Variants in FLT4 observed in about 807,000 individuals in gnomAD.
FLT4 encodes the protein fms related receptor tyrosine kinase 4.
Under a neutral mutation model 163.2 loss-of-function variants are expected in FLT4, and 30 were observed. The ratio of observed to expected loss-of-function variants is 0.18; its 90% CI spans 0.14 to 0.25. FLT4 has a LOEUF of 0.25. Ranked by LOEUF, FLT4 falls within the 10% of genes least tolerant of loss-of-function variation. The probability of loss-of-function intolerance (pLI) is 1.00; values close to 1 mark genes in which losing one functional copy is unlikely to be tolerated. For missense variants in FLT4, 1,510 were observed against 1,863.8 expected (o/e 0.81, Z 3.50); for synonymous variants, 884 against 789.5 (o/e 1.12, Z -2.01).
intron 10 of FLT4, 67 bp from the exon 11 acceptor site, chr5:180,624,128 G>C: frequency 6.3e-7 from 1 of 1,587,072 alleles, no homozygotes; most frequent in Non-Finnish European, 8.6e-7. Flanking sequence ...ATGGGGGGCG[G>C]GGTCAAGCCC....
Position 180,630,642 on chromosome 5 carries a change from C to G in FLT4, c.313G>C (p.Asp105His), listed in dbSNP as rs150416750. 1 of 1,613,074 alleles carries G rather than the reference C, an allele frequency of 6.2e-7. No homozygotes were observed. Residue 105 changes from aspartate (D) to histidine (H), a missense_variant, in exon 3 of 30, where the codon GAC becomes CAC. Around this residue, in one of 5 missense-constraint regions of FLT4, gnomAD observed 157 missense variants for 178.7 expected, o/e 0.88. Coordinates refer to ENST00000261937, the MANE Select transcript of FLT4 (RefSeq NM_182925.5). This position sits in a 1 kb window ranked among gnomAD's most constrained non-coding sequence, Gnocchi z 6.3. Reference protein sequence around the residue: ...VLLLHEVHANDTGSYVCYYKY... With the variant: ...VLLLHEVHANHTGSYVCYYKY... ...TAGTAGCAGACGTAGCTGCCTGTGT[C>G]GTTGGCATGTACCTCGTGCAGCAGC...
Position 180,620,587 on chromosome 5 carries a change from A to C in FLT4, c.2406+22T>G. 6.4e-7 allele frequency: 1 copy of C among 1,550,614 alleles called. No homozygotes were observed. The highest frequency in any genetic ancestry group is 2.2e-5 in the East Asian group (1 of 44,536). ...GGGAAGGCCTGAGAGAGACTCCATC[A>C]GGAGCGGGGAGGGACACTCACCCTC... On this transcript the variant is annotated intron_variant, in intron 16 of 29. Transcript: ENST00000261937. The surrounding 1 kb of genome is among the most constrained non-coding windows in gnomAD (Gnocchi z 4.4).
intron 1 of FLT4, among the ~76,000 whole-genome samples, chr5:180,633,818 A>G (rs1764353418): frequency 6.6e-6 from 1 of 152,138 alleles, no homozygotes; most frequent in Non-Finnish European, 1.5e-5. Flanking sequence ...CTACCTTCCC[A>G]GTGGACCTAG....
chr5:180,620,022 G>A lies in FLT4; in HGVS notation c.2542+151C>T, dbSNP rs1763001867. 2 of 995,112 alleles carry A rather than the reference G, an allele frequency of 2.0e-6. No individual in the cohort carries two copies. Among genetic ancestry groups the A allele is most frequent in the Admixed American group, 2.3e-5 (1 of 43,388 alleles). 61.6% of individuals were successfully genotyped at this position (995,112 alleles called of 1,614,324 possible). ...AGCCTGGGAACTGGGGACCCTGGCT[G>A]AGGTTCTAGGTACCCACGCCCACAG... On this transcript the variant is annotated intron_variant, in intron 17 of 29. Coordinates refer to ENST00000261937, the MANE Select transcript of FLT4 (RefSeq NM_182925.5). The surrounding 1 kb of genome is among the most constrained non-coding windows in gnomAD (Gnocchi z 4.4).
chr5:180,609,749 A>C lies in FLT4; in HGVS notation c.3807+156T>G. 8 of 852,004 alleles carry C rather than the reference A, an allele frequency of 9.4e-6. No homozygotes were observed. In the South Asian group the frequency reaches 1.2e-4, roughly 13 times the overall value. 52.8% of individuals were successfully genotyped at this position (852,004 alleles called of 1,614,324 possible). ...CAGCTGTGAGTCGTGGCATCGCAGG[A>C]GGGCCCAAATGTGCCCAAGGCTCAC... On this transcript the variant is annotated intron_variant, in intron 28 of 29. Coordinates refer to ENST00000261937, the MANE Select transcript of FLT4 (RefSeq NM_182925.5).
rs565347760 is a variant in FLT4 at position 180,641,934 on chromosome 5, C to T, written c.58+7554G>A. Among the ~76,000 whole-genome samples, 36 of 152,282 alleles carry T rather than the reference C, an allele frequency of 2.4e-4. No homozygotes were observed. In the East Asian group the frequency reaches 3.1e-3, roughly 13 times the overall value. Reference sequence around the variant, plus strand: ...GGTTAAGAATAAACTGTCGGCTGGGCACAGTGGCTCACGCCTGTAATCACA... The same window carrying T: ...GGTTAAGAATAAACTGTCGGCTGGGTACAGTGGCTCACGCCTGTAATCACA... On this transcript the variant is annotated intron_variant, in intron 1 of 29. Transcript: ENST00000261937.
chr5:180,609,532 C>T, intron 28 of FLT4: 1 of 364,772 alleles, frequency 2.7e-6, no homozygotes, highest in Non-Finnish European at 5.2e-6. Context: ...CTCCAAGTGG[C>T]CCTGGAGGCA....
intron 1 of FLT4, among the ~76,000 whole-genome samples, chr5:180,647,541 C>T (rs923285305): frequency 2.6e-5 from 4 of 151,926 alleles, no homozygotes; most frequent in Non-Finnish European, 5.9e-5. Flanking sequence ...TGGCCTGCTC[C>T]CACCGGACCA....
intron 1 of FLT4, among the ~76,000 whole-genome samples, chr5:180,640,900 C>T (rs888902221): frequency 1.3e-5 from 2 of 152,182 alleles, no homozygotes; most frequent in East Asian, 1.9e-4. Context: ...TGTGGGTGAG[C>T]GCTGGCCTTA....
chr5:180,643,655 G>C (rs1456229907), intron 1 of FLT4, among the ~76,000 whole-genome samples: 1 of 151,778 alleles, frequency 6.6e-6, no homozygotes, highest in Admixed American at 6.6e-5. Context: ...CACCCACCCG[G>C]TGCGGCTCCA....
chr5:180,644,923 C>T (rs1443810808), intron 1 of FLT4, among the ~76,000 whole-genome samples: 1 of 152,244 alleles, frequency 6.6e-6, no homozygotes, highest in Non-Finnish European at 1.5e-5. Context: ...CCCCGGAAGG[C>T]CCCTTCCGCT....
At position 180,616,493 on chromosome 5, in the gene FLT4, G is replaced by C. The variant is rs761121666; in HGVS notation, c.3097-4C>G. The C allele has an allele frequency of 6.2e-7, 1 of 1,613,646 alleles. No individual in the cohort carries two copies. The highest frequency in any genetic ancestry group is 2.2e-5 in the East Asian group (1 of 44,880). On this transcript the variant is annotated splice_polypyrimidine_tract_variant and splice_region_variant and intron_variant, in intron 22 of 29. Transcript: ENST00000261937. ...CAGCCAGGTCTCTGTGGATGCACTG[G>C]GGTGCGGGGAGGCGGCAGGGGGGCT...
intron 1 of FLT4, among the ~76,000 whole-genome samples, chr5:180,644,239 G>T (rs978065258): frequency 2.0e-5 from 3 of 152,236 alleles, no homozygotes; most frequent in African/African-American, 7.2e-5. Flanking sequence ...GGGACCAAAA[G>T]AAGCCATAGT....
intron 1 of FLT4, among the ~76,000 whole-genome samples, chr5:180,642,884 G>T (rs566559980): frequency 1.3e-5 from 2 of 152,230 alleles, no homozygotes; most frequent in Non-Finnish European, 2.9e-5. Flanking sequence ...ACAGCAGCAA[G>T]CGTGCACCGA....
Position 180,621,116 on chromosome 5 carries a change from C to T in FLT4, c.2157G>A (p.Glu719=). ...IVWYKDERLL[E]EKSGVDLADS... ...GGCCACCCTCCCTACCAGACTTTTC[C>T]TCCAGCAGCCTCTCGTCTTTGTACC... The change falls in exon 14 of 30, where the codon GAG becomes GAA. Residue 719 remains glutamate (E), a synonymous_variant. Transcript: ENST00000261937. The T allele has an allele frequency of 1.2e-6, 2 of 1,612,788 alleles. No homozygotes were observed. Among genetic ancestry groups the T allele is most frequent in the South Asian group, 2.2e-5 (2 of 91,082 alleles).
Position 180,620,064 on chromosome 5 carries a change from GC to G in FLT4, c.2542+108del, listed in dbSNP as rs373318827. On this transcript the variant is annotated intron_variant, in intron 17 of 29. Coordinates refer to ENST00000261937, the MANE Select transcript of FLT4 (RefSeq NM_182925.5). The surrounding 1 kb of genome is among the most constrained non-coding windows in gnomAD (Gnocchi z 4.4). ...CGCCCACAGGGACAGGTCAGGCCAG[GC>G]GGAACTTCCTGGTGCAAGTTTTGAA... is the stretch of plus-strand genomic sequence containing the variant. The G allele has an allele frequency of 1.2e-4, 174 of 1,395,062 alleles. No homozygotes were observed. The African/African-American group carries it at 2.2e-3, about 18-fold the overall frequency. 86.4% of individuals were successfully genotyped at this position (1,395,062 alleles called of 1,614,324 possible). A position where few individuals can be genotyped will look rare whatever the true frequency, so the allele number is the denominator to read the frequency against.
chr5:180,645,642 G>C (rs762034968), intron 1 of FLT4, among the ~76,000 whole-genome samples: 1 of 152,096 alleles, frequency 6.6e-6, no homozygotes, highest in East Asian at 1.9e-4. Context: ...AGGGTGGTGC[G>C]GGCCTCAGAC....
At chr5:180,616,827 G>A (rs908362515) in intron 22 of FLT4, 73 bp downstream of exon 22, 4 of 1,170,794 alleles carry the variant, frequency 3.4e-6, no homozygotes, top group Non-Finnish European at 5.2e-6. Context: ...GGTGAGGCCA[G>A]TACCAAGCAC....
chr5:180,622,540 G>A (rs1763239508), intron 12 of FLT4, among the ~76,000 whole-genome samples, 191 bp downstream of exon 12: 2 of 152,170 alleles, frequency 1.3e-5, no homozygotes, highest in Admixed American at 6.5e-5. Flanking sequence ...GACAGAGGAT[G>A]CCATTCCATC....
Sources: gnomAD v4.1 joint callset for allele counts (sites outside exome capture counted in the v4.1 genomes callset) on GRCh38, gnomAD v4.1.1 for gene constraint, gnomAD v4.1.1 regional missense constraint, Gnocchi (gnomAD v3.1) non-coding constraint, MANE v1.5 for transcripts, NCBI Gene and HGNC (gene_info 2026-07-23, HGNC 2026-07-21) for gene names.